Variants in TECRL observed in about 807,000 individuals in gnomAD.
The protein encoded by TECRL is trans-2,3-enoyl-CoA reductase-like.
In TECRL, 63 loss-of-function variants were observed where a neutral mutation model predicts 52.8. The observed-to-expected ratio is 1.19, with a 90% confidence interval of 0.97 to 1.47. TECRL has a LOEUF of 1.47. Ranked by LOEUF, TECRL falls within the 40% of genes most tolerant of loss-of-function variation. The probability of loss-of-function intolerance (pLI) is 0.00; values close to 1 mark genes in which losing one functional copy is unlikely to be tolerated. For missense variants in TECRL, 482 were observed against 429.6 expected, an observed-to-expected ratio of 1.12 and a Z score of -1.08; for synonymous variants, 164 against 141.9, an observed-to-expected ratio of 1.16 and a Z score of -1.10.
At chr4:64,402,583 T>C (rs989254325) in intron 1 of TECRL, among the ~76,000 whole-genome samples, 1 of 152,044 alleles carries the variant, frequency 6.6e-6, no homozygotes, top group African/African-American at 2.4e-5. Context: ...GGAATGAATA[T>C]GAACTATACA....
At chr4:64,338,267 A>G (rs1033662797) in intron 2 of TECRL, among the ~76,000 whole-genome samples, 1 of 152,232 alleles carries the variant, frequency 6.6e-6, no homozygotes, top group African/African-American at 2.4e-5. Flanking sequence ...CTTACACCTT[A>G]TACAAAAATT....
At chr4:64,389,975 G>T (rs912533097) in intron 1 of TECRL, among the ~76,000 whole-genome samples, 2 of 151,806 alleles carry the variant, frequency 1.3e-5, no homozygotes, top group African/African-American at 4.8e-5. Context: ...TCCATGTTAA[G>T]CCTTGCTTTA....
intron 7 of TECRL, among the ~76,000 whole-genome samples, chr4:64,304,591 G>T (rs1306996803): frequency 6.6e-6 from 1 of 152,010 alleles, no homozygotes. Context: ...GAGCTGAAGA[G>T]AGAAAAGTCC....
chr4:64,344,802 TTTTG>T (rs1412342721), intron 2 of TECRL, among the ~76,000 whole-genome samples: 3 of 152,196 alleles, frequency 2.0e-5, no homozygotes, highest in East Asian at 1.9e-4. Flanking sequence ...CCATCTTGTT[TTTTG>T]TTTGTTTGTC....
At chr4:64,317,878 C>T (rs1484762923) in intron 4 of TECRL, among the ~76,000 whole-genome samples, 3 of 152,040 alleles carry the variant, frequency 2.0e-5, no homozygotes, top group African/African-American at 7.2e-5. Flanking sequence ...GCATAAGAAG[C>T]CTCATATGAG....
At chr4:64,375,332 T>A (rs1019143522) in intron 1 of TECRL, 109 bp from the exon 2 acceptor site, 3 of 535,244 alleles carry the variant, frequency 5.6e-6, no homozygotes, top group Non-Finnish European at 6.3e-6. Flanking sequence ...ACAATAAGAA[T>A]TTTTGCTTCA....
At chr4:64,362,550 T>G (rs1721272434) in intron 2 of TECRL, among the ~76,000 whole-genome samples, 1 of 152,078 alleles carries the variant, frequency 6.6e-6, no homozygotes, top group Non-Finnish European at 1.5e-5. Flanking sequence ...GGGCCCATAT[T>G]CAGCACCATT....
At chr4:64,314,159 T>C (rs1339024412) in intron 5 of TECRL, among the ~76,000 whole-genome samples, 5 of 151,024 alleles carry the variant, frequency 3.3e-5, no homozygotes, top group Non-Finnish European at 7.4e-5. Context: ...CAAAAAATAA[T>C]ACCAATAATA....
rs563830148 is a variant in TECRL, at chr4:64,333,886, C to G, written c.287-5330G>C. Reference sequence around the variant, plus strand: ...ATACAAAAAAAAAATTAGCCGGGCGCGGTGGCGGGCGCCTGTAGTCCCAGC... The same window carrying G: ...ATACAAAAAAAAAATTAGCCGGGCGGGGTGGCGGGCGCCTGTAGTCCCAGC... On this transcript the variant is annotated intron_variant, in intron 2 of 11. Coordinates refer to ENST00000381210, the MANE Select transcript of TECRL (RefSeq NM_001010874.5). Among the ~76,000 whole-genome samples, 3 of 139,398 alleles carry G rather than the reference C, an allele frequency of 2.2e-5. 1 individual carries two copies. The highest frequency in any genetic ancestry group is 8.8e-5 in the African/African-American group (3 of 34,192). The allele number at this position is 139,398 out of a possible 152,430, so 91.5% of individuals were successfully genotyped here. A position where few individuals can be genotyped will look rare whatever the true frequency, so the allele number is the denominator to read the frequency against.
chr4:64,350,251 A>T (rs889749432), intron 2 of TECRL, among the ~76,000 whole-genome samples: 1 of 152,226 alleles, frequency 6.6e-6, no homozygotes, highest in Non-Finnish European at 1.5e-5. Context: ...AATTGCCAAA[A>T]TAGTAGCATT....
chr4:64,378,894 T>TTTCA (rs1553919749), intron 1 of TECRL, among the ~76,000 whole-genome samples: 3 of 151,558 alleles, frequency 2.0e-5, no homozygotes, highest in Admixed American at 1.3e-4. Flanking sequence ...ATTGTATCAA[T>TTTCA]TTTGTTTATA....
chr4:64,353,938 A>C (rs758072522), intron 2 of TECRL, among the ~76,000 whole-genome samples: 9 of 152,200 alleles, frequency 5.9e-5, no homozygotes, highest in Non-Finnish European at 1.3e-4. Context: ...ACTATATACT[A>C]CAAATCAAGT....
chr4:64,314,800 A>G (rs1470686896), intron 4 of TECRL, 37 bp from the exon 5 acceptor site: 1 of 1,446,108 alleles, frequency 6.9e-7, no homozygotes, highest in East Asian at 2.3e-5. Flanking sequence ...AACGATAAAA[A>G]TAGATGTTTT....
chr4:64,407,211 A>C (rs577084947), intron 1 of TECRL, among the ~76,000 whole-genome samples: 43 of 152,134 alleles, frequency 2.8e-4, no homozygotes, highest in Non-Finnish European at 3.5e-4. Flanking sequence ...TCCAGTGTTA[A>C]TCCTCTATTT....
chr4:64,335,674 C>T (rs1430666917), intron 2 of TECRL, among the ~76,000 whole-genome samples: 1 of 152,140 alleles, frequency 6.6e-6, no homozygotes, highest in African/African-American at 2.4e-5. Context: ...CCAAAGAGTC[C>T]TTCATTGTCC....
intron 2 of TECRL, among the ~76,000 whole-genome samples, chr4:64,346,180 G>C (rs1313229017): frequency 2.6e-5 from 4 of 152,182 alleles, no homozygotes; most frequent in East Asian, 1.9e-4. Context: ...ATATTCAAAA[G>C]TCATCTTTCA....
At chr4:64,374,155 A>G (rs988245495) in intron 2 of TECRL, among the ~76,000 whole-genome samples, 1 of 148,000 alleles carries the variant, frequency 6.8e-6, no homozygotes, top group African/African-American at 2.5e-5. Context: ...ACCAATTCCT[A>G]TATGACTTTA....
chr4:64,362,828 G>T (rs1352148278), intron 2 of TECRL, among the ~76,000 whole-genome samples: 1 of 151,900 alleles, frequency 6.6e-6, no homozygotes, highest in Non-Finnish European at 1.5e-5. Context: ...ATGAAGACAG[G>T]ATTATATCCT....
At chr4:64,276,896 T>C (rs1045331690), downstream of TECRL, 2 of 518,726 alleles carry the variant, frequency 3.9e-6, no homozygotes, top group African/African-American at 3.8e-5. Flanking sequence ...TACTTATGTA[T>C]AGTAACTCCT....
Sources: gnomAD v4.1 joint callset for allele counts (sites outside exome capture counted in the v4.1 genomes callset) on GRCh38, gnomAD v4.1.1 for gene constraint, MANE v1.5 for transcripts, NCBI Gene and HGNC (gene_info 2026-07-23, HGNC 2026-07-21) for gene names.